The following FRMD6 variants were observed in gnomAD, a reference collection of about 807,000 sequenced individuals.
FRMD6 encodes the protein FERM domain-containing protein 6.
FRMD6 carries 37 observed loss-of-function variants against 73.2 expected under a neutral mutation model. That is an observed-to-expected ratio of 0.51 (90% CI 0.39 to 0.66). The LOEUF (loss-of-function observed/expected upper bound fraction) is 0.66. Ranked by LOEUF, FRMD6 falls within the 30% of genes least tolerant of loss-of-function variation. The pLI is 0.00. For synonymous variants in FRMD6, 273 were observed against 282.2 expected (o/e 0.97, Z 0.33); for missense variants, 714 against 780.5 (o/e 0.91, Z 1.02).
chr14:51,417,752 A>G, the FRMD6 span, among the ~76,000 whole-genome samples: 1 of 152,214 alleles, frequency 6.6e-6, no homozygotes, highest in African/African-American at 2.4e-5. Context: ...GTGTTTTCCA[A>G]CTTGGTTCCA....
the FRMD6 span, chr14:51,436,593 C>A: frequency 1.7e-6 from 1 of 589,892 alleles, no homozygotes; most frequent in African/African-American, 1.9e-5. Flanking sequence ...AAGTTAAACA[C>A]AGAATAAAGC....
At chr14:51,523,359 G>T (rs1360813265) in intron 1 of FRMD6, among the ~76,000 whole-genome samples, 1 of 152,152 alleles carries the variant, frequency 6.6e-6, no homozygotes, top group African/African-American at 2.4e-5. Context: ...TGCCTTGGTG[G>T]GGCAAGATAA....
intron 1 of FRMD6, among the ~76,000 whole-genome samples, chr14:51,500,033 A>C (rs1266170519): frequency 6.6e-6 from 1 of 152,214 alleles, no homozygotes. Context: ...CTCCTGCTAC[A>C]TCAAGACTTA....
the FRMD6 span, among the ~76,000 whole-genome samples, chr14:51,399,011 A>C: frequency 6.6e-6 from 1 of 152,146 alleles, no homozygotes; most frequent in African/African-American, 2.4e-5. Context: ...CCACACACTT[A>C]CTGTCCCCAC....
At chr14:51,532,229 C>T (rs748082154) in intron 1 of FRMD6, among the ~76,000 whole-genome samples, 8 of 151,842 alleles carry the variant, frequency 5.3e-5, no homozygotes, top group South Asian at 2.1e-4. Context: ...ATTAGCCTGG[C>T]GTGGTGGCGG....
At chr14:51,681,733 C>T (rs1352204303) in intron 1 of FRMD6, among the ~76,000 whole-genome samples, 1 of 152,188 alleles carries the variant, frequency 6.6e-6, no homozygotes, top group Non-Finnish European at 1.5e-5. Context: ...ATGTTACAGT[C>T]AGATTACAGT....
At chr14:51,525,070 A>AATAGATAGATGACAGATAGATAG (rs141984847) in intron 1 of FRMD6, among the ~76,000 whole-genome samples, 2 of 101,982 alleles carry the variant, frequency 2.0e-5, no homozygotes, top group Admixed American at 1.1e-4. Context: ...AGACAAATAG[A>AATAGATAGATGACAGATAGATAG]ATAGATAGAT....
rs536049762 is a variant in FRMD6 at position 51,660,946 on chromosome 14, A to G, written c.-147+8950A>G. ...CCTGATGTGTTCCAGGAGCAGGGAG[A>G]AGGCCACAGTGGTGGAGCACTGAGA... On this transcript the variant is annotated intron_variant, in intron 1 of 13. Coordinates refer to ENST00000344768, the MANE Select transcript of FRMD6 (RefSeq NM_001267046.2). Among the ~76,000 whole-genome samples the G allele has an allele frequency of 2.2e-4, 34 of 152,268 alleles. No individual in the cohort carries two copies. The South Asian group carries it at 7.1e-3, about 32-fold the overall frequency.
chr14:51,701,028 A>G (rs770444902), intron 3 of FRMD6, 28 bp from the exon 4 acceptor site: 1 of 1,104,428 alleles, frequency 9.1e-7, no homozygotes, highest in Non-Finnish European at 1.3e-6. Flanking sequence ...TTTCTTTAGC[A>G]TGTCGTCTCC....
At chr14:51,420,767 C>CATTTT in the FRMD6 span, among the ~76,000 whole-genome samples, 988 of 151,954 alleles carry the variant, frequency 6.5e-3, 10 homozygotes, top group African/African-American at 0.023. Context: ...AATACGGTAC[C>CATTTT]ATTTTATTTT....
intron 2 of FRMD6, among the ~76,000 whole-genome samples, chr14:51,596,093 T>G (rs928578995): frequency 8.5e-5 from 13 of 152,246 alleles, no homozygotes; most frequent in Non-Finnish European, 1.5e-5. Flanking sequence ...CTAGCCTTTT[T>G]GATTAAAAAG....
At chr14:51,517,556 G>A (rs1884700951) in intron 1 of FRMD6, among the ~76,000 whole-genome samples, 1 of 152,038 alleles carries the variant, frequency 6.6e-6, no homozygotes, top group African/African-American at 2.4e-5. Flanking sequence ...TGTTGGTGGG[G>A]AAGAATAGAG....
chr14:51,628,953 T>C lies in FRMD6; in HGVS notation c.-147+58543T>C, dbSNP rs1158718566. On this transcript the variant is annotated intron_variant, in intron 2 of 14. Transcript: ENST00000356218. ...GTGCAGTGACGCAATCTCGGCTCAC[T>C]GCAAGCTCCGCCTCCCGGGTTCACG... is the stretch of plus-strand genomic sequence containing the variant. 8.0e-5 allele frequency among the ~76,000 whole-genome samples: 11 copies of C among 137,876 alleles called. No homozygotes were observed. In the East Asian group the frequency reaches 2.3e-3, roughly 28 times the overall value. 90.5% of individuals were successfully genotyped at this position (137,876 alleles called of 152,430 possible). A position where few individuals can be genotyped will look rare whatever the true frequency, so the allele number is the denominator to read the frequency against.
chr14:51,716,754 TC>T (rs1897263426), intron 10 of FRMD6, among the ~76,000 whole-genome samples: 1 of 152,226 alleles, frequency 6.6e-6, no homozygotes, highest in African/African-American at 2.4e-5. Flanking sequence ...GACTGCCACT[TC>T]TTCCCCACGA....
Position 51,690,031 on chromosome 14 carries a change from A to G in FRMD6, c.99+96A>G, listed in dbSNP as rs1895434515. ...TGATTAAGGGTGAAATCTTTACAGA[A>G]TTAGGGCAGTAATCATGTGGCAGAA... On this transcript the variant is annotated intron_variant, in intron 2 of 13. Transcript: ENST00000344768. The G allele has an allele frequency of 3.7e-6, 3 of 811,576 alleles. No homozygotes were observed. The South Asian group carries it at 4.3e-5, about 12-fold the overall frequency. 50.3% of individuals were successfully genotyped at this position (811,576 alleles called of 1,614,324 possible).
chr14:51,446,305 A>G, the FRMD6 span, among the ~76,000 whole-genome samples: 1 of 152,084 alleles, frequency 6.6e-6, no homozygotes, highest in Admixed American at 6.5e-5. Context: ...CATCTTTGGG[A>G]AAATTTACCC....
In FRMD6 at chr14:51,711,554, G is replaced by A. The variant is rs769310184; in HGVS notation, c.738G>A (p.Ser246=). The stretch of plus-strand genomic sequence containing the variant: ...AGGATAAAAGGGAAATTGAAGCATC[G>A]CTGACTCTTGGATTGACCATGAGGG... ...LYKDKREIEA[S]LTLGLTMRGI... is the part of the protein sequence containing the mutation. Residue 246 remains serine (S), a synonymous_variant, in exon 8 of 14, where the codon TCG becomes TCA. Transcript: ENST00000344768. 35 of 1,604,778 alleles carry A rather than the reference G, an allele frequency of 2.2e-5. No homozygotes were observed. In the African/African-American group the frequency reaches 2.3e-4, roughly 10 times the overall value.
At chr14:51,477,355 C>CT in the FRMD6 span, among the ~76,000 whole-genome samples, 1 of 152,086 alleles carries the variant, frequency 6.6e-6, no homozygotes, top group Non-Finnish European at 1.5e-5. Context: ...CGTGCAAAGG[C>CT]TGTAGGAATT....
chr14:51,510,917 T>C (rs1329005834), intron 1 of FRMD6, among the ~76,000 whole-genome samples: 2 of 152,178 alleles, frequency 1.3e-5, no homozygotes, highest in African/African-American at 2.4e-5. Context: ...CCCTGCTCTG[T>C]CTTTCTTCCT....
Sources: gnomAD v4.1 joint callset for allele counts (sites outside exome capture counted in the v4.1 genomes callset) on GRCh38, gnomAD v4.1.1 for gene constraint, MANE v1.5 for transcripts, NCBI Gene and HGNC (gene_info 2026-07-23, HGNC 2026-07-21) for gene names.